Variants in MAGI1 observed in about 807,000 individuals in gnomAD.
MAGI1 encodes membrane associated guanylate kinase, WW and PDZ domain containing 1.
A neutral mutation model predicts 139.9 loss-of-function variants in MAGI1; 58 were observed. The observed-to-expected ratio is 0.41, with a 90% CI of 0.34 to 0.52. The LOEUF (loss-of-function observed/expected upper bound fraction) is 0.52. Ranked by LOEUF, MAGI1 falls within the 20% of genes least tolerant of loss-of-function variation. The probability of loss-of-function intolerance (pLI) is 0.12; values close to 1 mark genes in which losing one functional copy is unlikely to be tolerated. For synonymous variants in MAGI1, 812 were observed against 737.9 expected (o/e 1.10, Z -1.63); for missense variants, 1,874 against 1,901.6 (o/e 0.99, Z 0.27).
intron 2 of MAGI1, among the ~76,000 whole-genome samples, chr3:65,508,266 T>G (rs1478329852): frequency 6.6e-6 from 1 of 151,942 alleles, no homozygotes; most frequent in East Asian, 1.9e-4. Flanking sequence ...TAGCCGGGCG[T>G]GGCAGTGGGC....
At chr3:65,858,627 T>C (rs547964532) in intron 1 of MAGI1, among the ~76,000 whole-genome samples, 6 of 152,352 alleles carry the variant, frequency 3.9e-5, no homozygotes, top group African/African-American at 1.4e-4. Context: ...ATTATGAATA[T>C]CTATCTTTGG....
intron 1 of MAGI1, among the ~76,000 whole-genome samples, chr3:66,009,670 T>C (rs1359448480): frequency 6.6e-6 from 1 of 152,166 alleles, no homozygotes; most frequent in African/African-American, 2.4e-5. Context: ...GCTCTAAGCA[T>C]GAAACTTAAC....
chr3:65,493,240 C>T (rs1461609653), intron 3 of MAGI1, among the ~76,000 whole-genome samples: 1 of 152,122 alleles, frequency 6.6e-6, no homozygotes, highest in Admixed American at 6.5e-5. Flanking sequence ...TAATACCGCA[C>T]ATGTCCGTAT....
At chr3:65,359,743 C>T in intron 22 of MAGI1, 1 of 985,658 alleles carries the variant, frequency 1.0e-6, no homozygotes, top group Non-Finnish European at 1.2e-6. Context: ...CTTGGAAAAC[C>T]ATGTATTTAA....
At chr3:65,600,299 T>C (rs1191619560) in intron 2 of MAGI1, among the ~76,000 whole-genome samples, 1 of 152,190 alleles carries the variant, frequency 6.6e-6, no homozygotes. Context: ...TATTCAAGGA[T>C]GTAGCTTTCC....
At chr3:65,593,127 G>C (rs2082040051) in intron 2 of MAGI1, among the ~76,000 whole-genome samples, 1 of 151,900 alleles carries the variant, frequency 6.6e-6, no homozygotes, top group Admixed American at 6.6e-5. Context: ...CCATAAACTG[G>C]AGTGTTAAGC....
chr3:65,918,441 C>T (rs982636945), intron 1 of MAGI1, among the ~76,000 whole-genome samples: 4 of 137,586 alleles, frequency 2.9e-5, no homozygotes, highest in African/African-American at 1.1e-4. Context: ...AGTGCAATGG[C>T]GCGATCTCGG....
At chr3:65,722,400 G>A (rs1476669535) in intron 1 of MAGI1, among the ~76,000 whole-genome samples, 3 of 152,100 alleles carry the variant, frequency 2.0e-5, no homozygotes, top group African/African-American at 7.2e-5. Context: ...GGCGGAAGCA[G>A]GGATGGACAG....
rs1294787264 is a variant in MAGI1 at position 65,356,493 on chromosome 3, C to G, written c.4274G>C (p.Ser1425Thr). Reference protein sequence around the residue: ...LDKRNREDRASHREREEANLK... With the variant: ...LDKRNREDRATHREREEANLK... ...ATTCGCCTCTTCCCTTTCTCGGTGG[C>G]TGGCTCTGTCCTCTCTGTTCCTTTT... The change falls in exon 23 of 23, where the codon AGC (serine) becomes ACC (threonine). Residue 1425 changes from serine to threonine, a missense_variant. Transcript: ENST00000402939. 10 of 1,610,502 alleles carry G rather than the reference C, an allele frequency of 6.2e-6. No homozygotes were observed. In the Admixed American group the frequency reaches 1.7e-4, roughly 27 times the overall value.
intron 2 of MAGI1, among the ~76,000 whole-genome samples, chr3:65,570,905 G>C (rs887640550): frequency 6.6e-6 from 1 of 152,156 alleles, no homozygotes; most frequent in African/African-American, 2.4e-5. Flanking sequence ...GAACTGCTAG[G>C]ACAAAACAAG....
At chr3:65,998,096 C>CT (rs1357938152) in intron 1 of MAGI1, among the ~76,000 whole-genome samples, 3 of 146,090 alleles carry the variant, frequency 2.1e-5, no homozygotes, top group Non-Finnish European at 4.5e-5. Context: ...GAGCTAGACT[C>CT]TGTCTCGGGA....
rs761948943 is a variant in MAGI1 at position 65,684,868 on chromosome 3, ATTTTTT to A, written c.314-62786_314-62781del. Among the ~76,000 whole-genome samples, 139 of 98,164 alleles carry A rather than the reference ATTTTTT, an allele frequency of 1.4e-3. 2 individuals are homozygous for A. Among genetic ancestry groups the A allele is most frequent in the African/African-American group, 7.3e-3 (130 of 17,700 alleles). 64.4% of individuals were successfully genotyped at this position (98,164 alleles called of 152,430 possible). ...AGGTGCAAGCCACCACACCTGGCTAATTTTTTTTTTTTTTTTTTTTTTTTTTTTTGG... is the reference window on the plus strand; with the variant it reads ...AGGTGCAAGCCACCACACCTGGCTAATTTTTTTTTTTTTTTTTTTTTTTGG... On this transcript the variant is annotated intron_variant, in intron 1 of 22. Transcript: ENST00000402939.
intron 1 of MAGI1, among the ~76,000 whole-genome samples, chr3:65,701,008 A>G (rs2089564767): frequency 6.6e-6 from 1 of 152,174 alleles, no homozygotes; most frequent in African/African-American, 2.4e-5. Context: ...TGCGGCCACC[A>G]TCAGGGGGCT....
chr3:65,840,566 T>C (rs899062125), intron 1 of MAGI1, among the ~76,000 whole-genome samples: 2 of 152,194 alleles, frequency 1.3e-5, no homozygotes, highest in African/African-American at 4.8e-5. Context: ...ATTACCTTGA[T>C]TGATTTCTAA....
At chr3:65,894,649 G>A (rs1404293696) in intron 1 of MAGI1, among the ~76,000 whole-genome samples, 2 of 152,196 alleles carry the variant, frequency 1.3e-5, no homozygotes, top group African/African-American at 4.8e-5. Flanking sequence ...TCCTTGAAAA[G>A]ACTAGCAACC....
chr3:65,653,921 T>G (rs929234991), intron 1 of MAGI1, among the ~76,000 whole-genome samples: 2 of 152,174 alleles, frequency 1.3e-5, no homozygotes, highest in Admixed American at 6.5e-5. Context: ...AGGCGTTATA[T>G]TTCCATGGTG....
At chr3:65,458,364 T>G (rs79949947) in intron 5 of MAGI1, among the ~76,000 whole-genome samples, 3 of 148,814 alleles carry the variant, frequency 2.0e-5, no homozygotes, top group Non-Finnish European at 4.5e-5. Context: ...GTTTGTTTGT[T>G]TTTTTTTTTT....
At chr3:65,857,152 C>T (rs1006150393) in intron 1 of MAGI1, among the ~76,000 whole-genome samples, 2 of 152,210 alleles carry the variant, frequency 1.3e-5, no homozygotes, top group East Asian at 1.9e-4. Context: ...TTCTTAAGGT[C>T]AGTTGCCAGA....
At chr3:65,642,641 T>C (rs538573357) in intron 1 of MAGI1, among the ~76,000 whole-genome samples, 1 of 152,336 alleles carries the variant, frequency 6.6e-6, no homozygotes, top group South Asian at 2.1e-4. Context: ...AGTAAATCGG[T>C]TACATTTTCT....
Sources: allele counts gnomAD v4.1 joint callset (sites outside exome capture counted in the v4.1 genomes callset), GRCh38; gene constraint gnomAD v4.1.1; transcripts MANE v1.5; gene names NCBI Gene and HGNC (gene_info 2026-07-23, HGNC 2026-07-21).